Variants in MOCOS observed in about 807,000 individuals in gnomAD.
The protein encoded by MOCOS is human molybdenum cofactor sulfurase.
MOCOS carries 86 observed loss-of-function variants against 83.6 expected under a neutral mutation model. That is an observed-to-expected ratio of 1.03 (90% confidence interval 0.86 to 1.23). The LOEUF (loss-of-function observed/expected upper bound fraction) is 1.23. Among genes scored for constraint, MOCOS ranks in the 50% most tolerant of loss-of-function variants. MOCOS has a pLI of 0.00. For synonymous variants in MOCOS, 445 were observed against 434.7 expected, an observed-to-expected ratio of 1.02 and a Z score of -0.29; for missense variants, 1,120 against 1,126.9, an observed-to-expected ratio of 0.99 and a Z score of 0.09.
chr18:36,262,181 A>G (rs1004184600), intron 13 of MOCOS, among the ~76,000 whole-genome samples: 2 of 151,610 alleles, frequency 1.3e-5, no homozygotes, highest in Non-Finnish European at 2.9e-5. Context: ...AAACGCTAAT[A>G]CAAGTATTAA....
At chr18:36,263,486 T>C (rs1269051618) in intron 13 of MOCOS, among the ~76,000 whole-genome samples, 1 of 152,256 alleles carries the variant, frequency 6.6e-6, no homozygotes, top group African/African-American at 2.4e-5. Flanking sequence ...TGGAAGGATG[T>C]CCTTGCATAT....
intron 8 of MOCOS, 52 bp downstream of exon 8, chr18:36,216,029 A>C (rs1251889434): frequency 6.6e-7 from 1 of 1,517,592 alleles, no homozygotes; most frequent in Non-Finnish European, 9.0e-7. Context: ...TACTCTCTCT[A>C]TTTTTTGATA....
chr18:36,218,841 A>T (rs1459453181), intron 8 of MOCOS, among the ~76,000 whole-genome samples: 5 of 104,052 alleles, frequency 4.8e-5, no homozygotes, highest in Non-Finnish European at 8.2e-5. Flanking sequence ...ATTTTATTTT[A>T]TTTATTTATT....
chr18:36,255,068 A>G (rs1006136038), intron 11 of MOCOS, among the ~76,000 whole-genome samples: 4 of 152,130 alleles, frequency 2.6e-5, no homozygotes. Flanking sequence ...CAACATAAGT[A>G]TATTATAACT....
chr18:36,223,321 T>C (rs1311119649), intron 9 of MOCOS, among the ~76,000 whole-genome samples: 1 of 152,212 alleles, frequency 6.6e-6, no homozygotes. Flanking sequence ...TATCCAGTTT[T>C]CCCAACACCA....
chr18:36,195,538 C>A (rs145544274), intron 2 of MOCOS, among the ~76,000 whole-genome samples, 192 bp downstream of exon 2: 36 of 152,278 alleles, frequency 2.4e-4, no homozygotes, highest in African/African-American at 8.7e-4. Context: ...ATGGAGGGAG[C>A]TGGCTCAGGG....
intron 1 of MOCOS, among the ~76,000 whole-genome samples, chr18:36,191,627 G>A (rs1472795439): frequency 6.6e-6 from 1 of 152,132 alleles, no homozygotes; most frequent in Non-Finnish European, 1.5e-5. Flanking sequence ...CTATAGAGAT[G>A]GGGTCTCACA....
At position 36,219,160 on chromosome 18, in the gene MOCOS, C is replaced by G. The variant is rs2091485973; in HGVS notation, c.1798-895C>G. ...GGGATTATAGGAATGAGCCACCATG[C>G]CTGGCTATTTATTATTATTATTATT... On this transcript the variant is annotated intron_variant, in intron 8 of 14. Transcript: ENST00000261326. 2.7e-5 allele frequency among the ~76,000 whole-genome samples: 4 copies of G among 150,934 alleles called. No homozygotes were observed. In the South Asian group the frequency reaches 6.3e-4, roughly 24 times the overall value.
At chr18:36,268,439 G>A in intron 14 of MOCOS, 94 bp from the exon 15 acceptor site, 1 of 1,507,304 alleles carries the variant, frequency 6.6e-7, no homozygotes. Context: ...TTAAAAATCT[G>A]ACTTGATTTT....
chr18:36,192,537 A>G (rs929735111), intron 1 of MOCOS, among the ~76,000 whole-genome samples: 4 of 152,240 alleles, frequency 2.6e-5, no homozygotes, highest in African/African-American at 9.6e-5. Flanking sequence ...AAATTAATAT[A>G]CAGATTCAAT....
chr18:36,239,641 T>C (rs1295252607), intron 9 of MOCOS, among the ~76,000 whole-genome samples: 1 of 146,588 alleles, frequency 6.8e-6, no homozygotes, highest in Non-Finnish European at 1.5e-5. Flanking sequence ...AGGAATATCT[T>C]TGTGGCGTTC....
intron 9 of MOCOS, among the ~76,000 whole-genome samples, chr18:36,239,089 A>G (rs1191479273): frequency 0.018 from 2,743 of 149,404 alleles, 81 homozygotes; most frequent in African/African-American, 0.063. Context: ...TCTTTATCCA[A>G]TTTGCCAGTC....
At chr18:36,212,399 G>A (rs1375408589) in intron 6 of MOCOS, among the ~76,000 whole-genome samples, 1 of 152,124 alleles carries the variant, frequency 6.6e-6, no homozygotes, top group African/African-American at 2.4e-5. Context: ...CGGGGGTCGG[G>A]GGTCTCCCTA....
At chr18:36,241,523 A>G (rs983525538) in intron 9 of MOCOS, among the ~76,000 whole-genome samples, 1 of 152,176 alleles carries the variant, frequency 6.6e-6, no homozygotes, top group Non-Finnish European at 1.5e-5. Flanking sequence ...AAGTTGAGTG[A>G]TGGGGCTTTT....
chr18:36,252,969 A>G (rs1048461989), intron 11 of MOCOS, among the ~76,000 whole-genome samples: 1 of 152,182 alleles, frequency 6.6e-6, no homozygotes, highest in Non-Finnish European at 1.5e-5. Flanking sequence ...TTGAAGTTAG[A>G]TGGTGGTGGT....
At chr18:36,223,968 A>C (rs2091506264) in intron 9 of MOCOS, among the ~76,000 whole-genome samples, 1 of 152,184 alleles carries the variant, frequency 6.6e-6, no homozygotes, top group Non-Finnish European at 1.5e-5. Flanking sequence ...AGTAGCTGGG[A>C]CAACAGGCAT....
At chr18:36,210,355 G>C (rs538573890) in intron 6 of MOCOS, among the ~76,000 whole-genome samples, 2 of 152,264 alleles carry the variant, frequency 1.3e-5, no homozygotes, top group East Asian at 3.9e-4. Flanking sequence ...GTGGTCTCTT[G>C]AGTATGGCAG....
intron 4 of MOCOS, 86 bp from the exon 5 acceptor site, chr18:36,203,027 A>T: frequency 7.5e-7 from 1 of 1,333,658 alleles, no homozygotes; most frequent in Admixed American, 1.7e-5. Context: ...GCTAAGCCTA[A>T]AATCTAAAGC....
intron 1 of MOCOS, among the ~76,000 whole-genome samples, chr18:36,188,087 G>C (rs770406760): frequency 6.6e-6 from 1 of 152,160 alleles, no homozygotes; most frequent in South Asian, 2.1e-4. Context: ...GCGGTGCGTG[G>C]ACCGCCAGCG....
Sources: gnomAD v4.1 joint callset for allele counts (sites outside exome capture counted in the v4.1 genomes callset) on GRCh38, gnomAD v4.1.1 for gene constraint, MANE v1.5 for transcripts, NCBI Gene and HGNC (gene_info 2026-07-23, HGNC 2026-07-21) for gene names.